DNM3: variants seen among roughly 807,000 people sequenced by gnomAD.
DNM3 encodes the protein dynamin-3.
DNM3 carries 47 observed loss-of-function variants against 101.6 expected under a neutral mutation model. That is an observed-to-expected ratio of 0.46 (90% confidence interval 0.37 to 0.59). The LOEUF is 0.59. DNM3 is among the 20% of genes least tolerant of loss of function. The probability of loss-of-function intolerance (pLI) is 0.00; values close to 1 mark genes in which losing one functional copy is unlikely to be tolerated. For synonymous variants in DNM3, 385 were observed against 387.9 expected (o/e 0.99, Z 0.09); for missense variants, 849 against 1,085.7 (o/e 0.78, Z 3.06).
chr1:172,378,592 T>G (rs1031379810), intron 17 of DNM3, among the ~76,000 whole-genome samples: 1 of 152,044 alleles, frequency 6.6e-6, no homozygotes. Flanking sequence ...GACCTAGAAG[T>G]GCCAGAACAA....
intron 2 of DNM3, among the ~76,000 whole-genome samples, chr1:171,971,875 A>C (rs2044018629): frequency 6.6e-6 from 1 of 152,190 alleles, no homozygotes; most frequent in Admixed American, 6.5e-5. Context: ...TAGTCTCTAT[A>C]ACTGATTAGA....
chr1:172,136,657 T>C (rs920708568), intron 14 of DNM3: 3 of 152,126 alleles, frequency 2.0e-5, no homozygotes, highest in Non-Finnish European at 2.9e-5. Flanking sequence ...CATGTTCTGG[T>C]ATTATCTAAA....
chr1:172,083,891 A>G (rs915285013), intron 12 of DNM3, among the ~76,000 whole-genome samples: 6 of 151,900 alleles, frequency 3.9e-5, no homozygotes, highest in Non-Finnish European at 8.8e-5. Context: ...GTCTGGTCCT[A>G]TTTTTCTGGT....
At chr1:172,062,569 G>A (rs1008131001) in intron 10 of DNM3, among the ~76,000 whole-genome samples, 1 of 152,068 alleles carries the variant, frequency 6.6e-6, no homozygotes, top group Non-Finnish European at 1.5e-5. Context: ...CTGGATTAAG[G>A]ATTTGCCCAC....
At chr1:171,843,805 A>G (rs529219354) in intron 1 of DNM3, among the ~76,000 whole-genome samples, 3 of 152,318 alleles carry the variant, frequency 2.0e-5, no homozygotes, top group African/African-American at 7.2e-5. Flanking sequence ...TAGAAGAGTA[A>G]AATATTTAAG....
At chr1:172,247,975 T>A (rs1203810606) in intron 14 of DNM3, among the ~76,000 whole-genome samples, 3 of 152,122 alleles carry the variant, frequency 2.0e-5, no homozygotes, top group Non-Finnish European at 4.4e-5. Flanking sequence ...TGAGCCACCA[T>A]ACCTGGCCTT....
chr1:172,016,042 C>T (rs2047430268), intron 4 of DNM3, among the ~76,000 whole-genome samples: 1 of 150,742 alleles, frequency 6.6e-6, no homozygotes, highest in Non-Finnish European at 1.5e-5. Context: ...AAAAAATTAG[C>T]CAGGCATGGT....
At chr1:171,886,130 T>C (rs2036745695) in intron 1 of DNM3, among the ~76,000 whole-genome samples, 1 of 152,234 alleles carries the variant, frequency 6.6e-6, no homozygotes, top group African/African-American at 2.4e-5. Flanking sequence ...GAATGGCTTC[T>C]GAGATATAAT....
chr1:171,921,826 T>C lies in DNM3; in HGVS notation c.235+5T>C, dbSNP rs1477034634. ...AGCTTGTTACTTCTAAAGCAGGTAA[T>C]GAATGAAGATGTTTACCGCATGGAT... On this transcript the variant is annotated splice_donor_5th_base_variant and intron_variant, in intron 2 of 20. Coordinates refer to ENST00000627582, the MANE Select transcript of DNM3 (RefSeq NM_015569.5). 1 of 1,594,110 alleles carries C rather than the reference T, an allele frequency of 6.3e-7. No homozygotes were observed. Among genetic ancestry groups the C allele is most frequent in the Non-Finnish European group, 8.6e-7 (1 of 1,169,162 alleles).
At chr1:171,968,060 A>G (rs1324578383) in intron 2 of DNM3, among the ~76,000 whole-genome samples, 1 of 152,142 alleles carries the variant, frequency 6.6e-6, no homozygotes, top group African/African-American at 2.4e-5. Flanking sequence ...ACTACAACTT[A>G]ATCTCTTTGA....
intron 16 of DNM3, among the ~76,000 whole-genome samples, chr1:172,320,804 G>A (rs1238251313): frequency 3.3e-5 from 5 of 152,130 alleles, no homozygotes; most frequent in African/African-American, 4.8e-5. Context: ...AGGCTGTCGG[G>A]AGCTGAGAAT....
intron 13 of DNM3, among the ~76,000 whole-genome samples, chr1:172,123,312 C>T (rs2056428606): frequency 3.3e-5 from 5 of 152,152 alleles, no homozygotes; most frequent in Admixed American, 3.3e-4. Context: ...TTCACAACTT[C>T]TTTATCTCTG....
intron 15 of DNM3, among the ~76,000 whole-genome samples, chr1:172,305,010 GA>G (rs2064716105): frequency 6.6e-6 from 1 of 152,164 alleles, no homozygotes; most frequent in Non-Finnish European, 1.5e-5. Flanking sequence ...AAAGCTAGCA[GA>G]AGGCAAGAAA....
intron 2 of DNM3, among the ~76,000 whole-genome samples, chr1:171,951,885 G>T (rs547603062): frequency 6.6e-6 from 1 of 152,318 alleles, no homozygotes; most frequent in East Asian, 1.9e-4. Context: ...CAAATTGTAG[G>T]TAAAATCATA....
intron 15 of DNM3, among the ~76,000 whole-genome samples, chr1:172,289,287 T>C (rs1557938581): frequency 6.6e-6 from 1 of 152,256 alleles, no homozygotes; most frequent in South Asian, 2.1e-4. Context: ...GAGAAAATTT[T>C]TAAATTTTTT....
chr1:172,073,226 TA>T (rs1420862043), intron 11 of DNM3, among the ~76,000 whole-genome samples: 1 of 151,932 alleles, frequency 6.6e-6, no homozygotes, highest in African/African-American at 2.4e-5. Context: ...TGTATGTATA[TA>T]TGTGTGTATT....
rs1244873061 is a variant in DNM3 at position 171,885,997 on chromosome 1, ACTGT to A, written c.162-35749_162-35746del. Among the ~76,000 whole-genome samples the A allele has an allele frequency of 3.3e-5, 5 of 152,252 alleles. No individual in the cohort carries two copies. In the East Asian group the frequency reaches 9.7e-4, roughly 29 times the overall value. ...TTAGGCTAGGGACCACTTTGACCGG[ACTGT>A]CAAGATTGGGGGTGGCCTGATTAGG... On this transcript the variant is annotated intron_variant, in intron 1 of 20. Transcript: ENST00000627582.
chr1:172,291,180 A>G (rs1366712085), intron 15 of DNM3, among the ~76,000 whole-genome samples: 1 of 152,210 alleles, frequency 6.6e-6, no homozygotes, highest in Non-Finnish European at 1.5e-5. Flanking sequence ...TAACTCAAGG[A>G]GTTTTGCTAT....
At chr1:172,257,787 T>C (rs1366024466) in intron 15 of DNM3, among the ~76,000 whole-genome samples, 1 of 151,920 alleles carries the variant, frequency 6.6e-6, no homozygotes, top group Non-Finnish European at 1.5e-5. Context: ...CATACTCTAG[T>C]ATTGAACATT....
Sources: gnomAD v4.1 joint callset for allele counts (sites outside exome capture counted in the v4.1 genomes callset) on GRCh38, gnomAD v4.1.1 for gene constraint, MANE v1.5 for transcripts, NCBI Gene and HGNC (gene_info 2026-07-23, HGNC 2026-07-21) for gene names.